CCDC102B: variants seen among roughly 807,000 people sequenced by gnomAD.
The protein encoded by CCDC102B is coiled-coil domain containing 102B.
Under a neutral mutation model 57.4 loss-of-function variants are expected in CCDC102B, and 75 were observed. The ratio of observed to expected loss-of-function variants is 1.31; its 90% CI spans 1.08 to 1.58. The LOEUF (loss-of-function observed/expected upper bound fraction) is 1.58. Among genes scored for constraint, CCDC102B ranks in the 40% most tolerant of loss-of-function variants. CCDC102B has a pLI of 0.00. For missense variants in CCDC102B, 636 were observed against 582.6 expected (o/e 1.09, Z -0.94); for synonymous variants, 206 against 201.9 (o/e 1.02, Z -0.17).
chr18:69,031,828 C>G (rs1246883306), intron 7 of CCDC102B, among the ~76,000 whole-genome samples: 3 of 152,068 alleles, frequency 2.0e-5, no homozygotes, highest in Admixed American at 2.0e-4. Context: ...AGTACAAAGC[C>G]ATGCAAAAGA....
intron 2 of CCDC102B, among the ~76,000 whole-genome samples, chr18:68,784,319 G>A (rs1263816733): frequency 2.7e-5 from 4 of 150,724 alleles, no homozygotes; most frequent in South Asian, 4.2e-4. Flanking sequence ...AGAGAGAGAG[G>A]GAAGTGACAC....
chr18:68,824,177 A>G (rs962564772), intron 1 of CCDC102B, among the ~76,000 whole-genome samples: 1 of 152,066 alleles, frequency 6.6e-6, no homozygotes, highest in African/African-American at 2.4e-5. Context: ...TCGGAATTTT[A>G]TAGTTTGAGG....
chr18:68,785,374 C>T (rs548907159), intron 2 of CCDC102B, among the ~76,000 whole-genome samples: 29 of 152,266 alleles, frequency 1.9e-4, no homozygotes, highest in Admixed American at 1.3e-3. Context: ...AATGGTACTT[C>T]CAGTTCTAGA....
At chr18:69,038,961 T>A (rs536220984) in intron 7 of CCDC102B, among the ~76,000 whole-genome samples, 227 of 152,108 alleles carry the variant, frequency 1.5e-3, no homozygotes, top group African/African-American at 5.2e-3. Flanking sequence ...AATACTAATC[T>A]TTTCCTTTCA....
intron 6 of CCDC102B, among the ~76,000 whole-genome samples, chr18:68,906,833 A>AT (rs58285229): frequency 5.2e-4 from 70 of 133,366 alleles, no homozygotes; most frequent in African/African-American, 7.9e-4. Context: ...GACGAATTCT[A>AT]TTTTTTTTTT....
At chr18:68,869,049 TATCAGCCAGGTGGCCATTCACCA>T (rs372281564) in intron 4 of CCDC102B, among the ~76,000 whole-genome samples, 3,078 of 152,162 alleles carry the variant, frequency 0.02, 103 homozygotes, top group African/African-American at 0.07. Context: ...TTTCTGACCT[TATCAGCCAGGTGGCCATTCACCA>T]AGAGAACACA....
At chr18:68,814,487 T>C (rs2036400903) in intron 1 of CCDC102B, among the ~76,000 whole-genome samples, 1 of 152,152 alleles carries the variant, frequency 6.6e-6, no homozygotes, top group Admixed American at 6.5e-5. Context: ...AAATGTAGGT[T>C]AGTTCTTCAT....
chr18:68,937,402 C>T (rs2049269412), intron 6 of CCDC102B, among the ~76,000 whole-genome samples: 1 of 152,026 alleles, frequency 6.6e-6, no homozygotes, highest in Non-Finnish European at 1.5e-5. Context: ...CGTGGTCATC[C>T]ATCTGGAGAC....
chr18:68,759,314 T>A (rs2034172707), intron 2 of CCDC102B, among the ~76,000 whole-genome samples: 1 of 152,106 alleles, frequency 6.6e-6, no homozygotes, highest in Non-Finnish European at 1.5e-5. Context: ...CAAGAAAATT[T>A]TATAGGAACT....
At chr18:68,892,470 T>G (rs1287931323) in intron 5 of CCDC102B, among the ~76,000 whole-genome samples, 1 of 152,172 alleles carries the variant, frequency 6.6e-6, no homozygotes, top group African/African-American at 2.4e-5. Flanking sequence ...TCTGCTGCCC[T>G]CAGACATTTA....
At chr18:68,992,563 A>G (rs965792826) in intron 6 of CCDC102B, among the ~76,000 whole-genome samples, 1 of 152,140 alleles carries the variant, frequency 6.6e-6, no homozygotes, top group African/African-American at 2.4e-5. Context: ...CCTATTAGAT[A>G]TTTTGAACCT....
chr18:68,759,251 G>C (rs1486599248), intron 2 of CCDC102B, among the ~76,000 whole-genome samples: 1 of 152,034 alleles, frequency 6.6e-6, no homozygotes, highest in Admixed American at 6.6e-5. Flanking sequence ...AATAAGACTT[G>C]TGGAGCCAGC....
intron 6 of CCDC102B, among the ~76,000 whole-genome samples, chr18:68,995,710 G>T (rs1166911630): frequency 6.6e-6 from 1 of 152,132 alleles, no homozygotes; most frequent in Non-Finnish European, 1.5e-5. Context: ...TAGAACATCT[G>T]CCAGGGCAGT....
rs112156519 is a variant in CCDC102B at position 68,893,782 on chromosome 18, C to G, written c.1054-3437C>G. ...GAAAATGATCCAATGTTTTATCCTT[C>G]GGAATAATCACAATATTACAGTTTT... On this transcript the variant is annotated intron_variant, in intron 5 of 7. Coordinates refer to ENST00000360242, the MANE Select transcript of CCDC102B (RefSeq NM_024781.3). Among the ~76,000 whole-genome samples, 980 of 152,182 alleles carry G rather than the reference C, an allele frequency of 6.4e-3. 12 individuals are homozygous for G. Among genetic ancestry groups the G allele is most frequent in the African/African-American group, 0.022 (930 of 41,542 alleles).
intron 1 of CCDC102B, among the ~76,000 whole-genome samples, chr18:68,806,763 TG>T (rs1363785289): frequency 2.0e-5 from 3 of 152,198 alleles, no homozygotes; most frequent in African/African-American, 7.2e-5. Context: ...ATAATATTTT[TG>T]ATTTAATCCA....
chr18:68,729,782 A>G (rs2032774913), intron 2 of CCDC102B, among the ~76,000 whole-genome samples: 1 of 152,212 alleles, frequency 6.6e-6, no homozygotes, highest in East Asian at 1.9e-4. Context: ...TCAAAGGGAA[A>G]AGATTGGTTT....
At chr18:68,810,976 G>A (rs1185286144) in intron 1 of CCDC102B, among the ~76,000 whole-genome samples, 6 of 152,054 alleles carry the variant, frequency 3.9e-5, no homozygotes, top group Non-Finnish European at 8.8e-5. Context: ...GTGTTAGTTT[G>A]CTGAGAATGA....
chr18:68,755,714 A>T (rs566582537), intron 2 of CCDC102B, among the ~76,000 whole-genome samples: 1 of 152,002 alleles, frequency 6.6e-6, no homozygotes, highest in South Asian at 2.1e-4. Context: ...AATAATATTT[A>T]AAAAATATTA....
rs867727245 is a variant in CCDC102B, at chr18:68,976,268, A to C, written c.1264-34666A>C. Among the ~76,000 whole-genome samples, 5 of 152,144 alleles carry C rather than the reference A, an allele frequency of 3.3e-5. No homozygotes were observed. The South Asian group carries it at 1.0e-3, about 31-fold the overall frequency. On this transcript the variant is annotated intron_variant, in intron 6 of 7. Coordinates refer to ENST00000360242, the MANE Select transcript of CCDC102B (RefSeq NM_024781.3). ...AGTGTCAATATTAGAAAATTAATTA[A>C]ATATGCTTTGAATAGTAACTGGTTA...
Sources: allele counts gnomAD v4.1 joint callset (sites outside exome capture counted in the v4.1 genomes callset), GRCh38; gene constraint gnomAD v4.1.1; transcripts MANE v1.5; gene names NCBI Gene and HGNC (gene_info 2026-07-23, HGNC 2026-07-21).